AGBL1: variants seen among roughly 807,000 people sequenced by gnomAD.
AGBL1 encodes cytosolic carboxypeptidase 4.
AGBL1 carries 130 observed loss-of-function variants against 118.9 expected under a neutral mutation model. That is an observed-to-expected ratio of 1.09 (90% confidence interval 0.95 to 1.26). The LOEUF (loss-of-function observed/expected upper bound fraction) is 1.26, where lower values mean the gene tolerates loss of function less well. AGBL1 is among the 50% of genes most tolerant of loss of function. AGBL1 has a pLI of 0.00. For missense variants in AGBL1, 1,584 were observed against 1,298.1 expected (o/e 1.22, Z -3.38); for synonymous variants, 555 against 478.9 (o/e 1.16, Z -2.08).
Position 86,849,513 on chromosome 15 carries a change from C to CTT in AGBL1, c.3159-57572_3159-57571dup, listed in dbSNP as rs1432477083. On this transcript the variant is annotated intron_variant, in intron 22 of 22. Coordinates refer to ENST00000614907, the MANE Select transcript of AGBL1 (RefSeq NM_001386094.1). ...AATAAGGTGATGGCTTTCTTTCTTT[C>CTT]TTTCTTTTTTTTTTTTTTTGGCTGA... 9.2e-3 allele frequency among the ~76,000 whole-genome samples: 803 copies of CTT among 87,582 alleles called. 22 individuals carry two copies. The highest frequency in any genetic ancestry group is 0.084 in the Admixed American group (709 of 8,440). 57.5% of individuals were successfully genotyped at this position (87,582 alleles called of 152,430 possible). A position where few individuals can be genotyped will look rare whatever the true frequency, so the allele number is the denominator to read the frequency against.
chr15:86,247,704 A>G lies in AGBL1; in HGVS notation c.560A>G (p.Tyr187Cys), dbSNP rs2078743511. The stretch of plus-strand genomic sequence containing the variant: ...GGCCGCAGAGCAGTGAACCGAGGCT[A>G]CGTCACCAGCCTGCTCGGGCTGCAC... ...SNGRRAVNRG[Y>C]VTSLLGLHQD... The change falls in exon 7 of 23, where the codon TAC becomes TGC. Residue 187 changes from tyrosine (Y) to cysteine (C), a missense_variant. Physicochemically the swap from Tyr to Cys is radical, Grantham distance 194 (BLOSUM62 -2). Coordinates refer to ENST00000614907, the MANE Select transcript of AGBL1 (RefSeq NM_001386094.1). 3 of 1,612,324 alleles carry G rather than the reference A, an allele frequency of 1.9e-6. No individual in the cohort carries two copies. The highest frequency in any genetic ancestry group is 1.3e-5 in the African/African-American group (1 of 74,920).
intron 1 of AGBL1, among the ~76,000 whole-genome samples, chr15:86,112,075 C>T (rs956501045): frequency 1.3e-5 from 2 of 152,114 alleles, no homozygotes; most frequent in Non-Finnish European, 2.9e-5. Flanking sequence ...AAGCTCAGGG[C>T]TCCCACTGAT....
At chr15:86,440,194 T>A (rs1198197004) in intron 18 of AGBL1, among the ~76,000 whole-genome samples, 1 of 152,156 alleles carries the variant, frequency 6.6e-6, no homozygotes, top group Non-Finnish European at 1.5e-5. Flanking sequence ...TTGAAAATCA[T>A]TCATTGGGAT....
intron 6 of AGBL1, among the ~76,000 whole-genome samples, chr15:86,243,387 G>A (rs1293616594): frequency 6.6e-6 from 1 of 152,158 alleles, no homozygotes; most frequent in Non-Finnish European, 1.5e-5. Context: ...GATATCACTA[G>A]GTCCCGTTTC....
chr15:86,950,026 T>C (rs987768424), intron 23 of AGBL1, among the ~76,000 whole-genome samples: 4 of 151,958 alleles, frequency 2.6e-5, no homozygotes, highest in Non-Finnish European at 5.9e-5. Context: ...GAAACTAAGA[T>C]ATACTTGTAA....
At chr15:86,505,728 C>G (rs1327123414) in intron 18 of AGBL1, among the ~76,000 whole-genome samples, 1 of 151,852 alleles carries the variant, frequency 6.6e-6, no homozygotes, top group Non-Finnish European at 1.5e-5. Context: ...TAAACATATG[C>G]ATAATAGCTT....
chr15:86,269,817 T>C, intron 13 of AGBL1, 102 bp from the exon 14 acceptor site: 1 of 1,338,332 alleles, frequency 7.5e-7, no homozygotes, highest in Non-Finnish European at 1.0e-6. Context: ...ATCCTGGGTC[T>C]TAGATCTGTA....
At chr15:86,213,424 C>G (rs903772387) in intron 5 of AGBL1, among the ~76,000 whole-genome samples, 1 of 152,170 alleles carries the variant, frequency 6.6e-6, no homozygotes, top group Non-Finnish European at 1.5e-5. Flanking sequence ...TTAGCAACAC[C>G]TGGGAGGTTG....
intron 21 of AGBL1, among the ~76,000 whole-genome samples, chr15:86,584,110 A>G (rs879177901): frequency 6.6e-6 from 1 of 152,086 alleles, no homozygotes; most frequent in Non-Finnish European, 1.5e-5. Context: ...ATAGTTTGCA[A>G]ATACTTTTTG....
chr15:86,113,600 T>G (rs959265210), intron 1 of AGBL1, among the ~76,000 whole-genome samples: 7 of 152,126 alleles, frequency 4.6e-5, no homozygotes, highest in African/African-American at 1.7e-4. Flanking sequence ...TTTCACCTCT[T>G]TCACCTGCCT....
chr15:86,627,738 G>A (rs1365588713), intron 21 of AGBL1, among the ~76,000 whole-genome samples: 2 of 152,220 alleles, frequency 1.3e-5, no homozygotes, highest in Non-Finnish European at 2.9e-5. Context: ...CAGTTAGGAA[G>A]GAAGAGAGAG....
At chr15:86,699,668 C>A (rs1189609629) in intron 22 of AGBL1, among the ~76,000 whole-genome samples, 1 of 151,968 alleles carries the variant, frequency 6.6e-6, no homozygotes, top group African/African-American at 2.4e-5. Context: ...GGCAAGAATA[C>A]CACAGGGACG....
intron 19 of AGBL1, among the ~76,000 whole-genome samples, chr15:86,541,103 G>A (rs2083488879): frequency 6.6e-6 from 1 of 152,122 alleles, no homozygotes. Flanking sequence ...AGAATGGTGA[G>A]TGTTTATTCA....
At chr15:86,795,434 C>T (rs188457046) in intron 22 of AGBL1, among the ~76,000 whole-genome samples, 72 of 152,110 alleles carry the variant, frequency 4.7e-4, no homozygotes, top group African/African-American at 1.6e-3. Context: ...GTCCCATTAC[C>T]TGGGATGGGG....
At chr15:86,284,742 C>A (rs2079414161) in intron 16 of AGBL1, among the ~76,000 whole-genome samples, 1 of 152,112 alleles carries the variant, frequency 6.6e-6, no homozygotes, top group African/African-American at 2.4e-5. Flanking sequence ...CTCACTTTAT[C>A]AGTAGCCATC....
intron 1 of AGBL1, among the ~76,000 whole-genome samples, chr15:86,102,309 G>A (rs980761107): frequency 6.8e-4 from 104 of 152,240 alleles, no homozygotes; most frequent in African/African-American, 2.3e-3. Context: ...CCCAATTGCT[G>A]GGATTACAGG....
chr15:86,197,942 A>G (rs117835292), intron 5 of AGBL1, among the ~76,000 whole-genome samples: 1,870 of 152,142 alleles, frequency 0.012, 22 homozygotes, highest in East Asian at 0.059. Context: ...GAGATGATCA[A>G]GGCTACCACT....
chr15:87,029,897 C>A (rs2081768535), downstream of AGBL1, among the ~76,000 whole-genome samples: 1 of 151,724 alleles, frequency 6.6e-6, no homozygotes, highest in South Asian at 2.1e-4. Flanking sequence ...GTTGTAGAGG[C>A]AAACAACCCT....
At chr15:86,962,916 T>A (rs1352084960) in intron 23 of AGBL1, among the ~76,000 whole-genome samples, 1 of 152,090 alleles carries the variant, frequency 6.6e-6, no homozygotes, top group African/African-American at 2.4e-5. Context: ...TCTAAAGTTA[T>A]GAATATCACA....
Sources: gnomAD v4.1 joint callset for allele counts (sites outside exome capture counted in the v4.1 genomes callset) on GRCh38, gnomAD v4.1.1 for gene constraint, MANE v1.5 for transcripts, NCBI Gene and HGNC (gene_info 2026-07-23, HGNC 2026-07-21) for gene names.